The following SMAD6 variants were observed in gnomAD, a reference collection of about 807,000 sequenced individuals.
SMAD6 encodes SMAD family member 6.
A neutral mutation model predicts 39.4 loss-of-function variants in SMAD6; 103 were observed. The ratio of observed to expected loss-of-function variants is 2.62; its 90% CI spans 2.23 to 3.08. The LOEUF (loss-of-function observed/expected upper bound fraction) is 3.08. SMAD6 is among the 30% of genes most tolerant of loss of function. SMAD6 has a pLI of 0.00. For missense variants in SMAD6, 1,104 were observed against 742.9 expected, an observed-to-expected ratio of 1.49 and a Z score of -5.65; for synonymous variants, 445 against 353.3, an observed-to-expected ratio of 1.26 and a Z score of -2.91.
intron 3 of SMAD6, among the ~76,000 whole-genome samples, chr15:66,763,448 C>T (rs930197931): frequency 6.6e-6 from 1 of 152,224 alleles, no homozygotes; most frequent in African/African-American, 2.4e-5. Context: ...TGCCGCCTCC[C>T]CGACTTGGCA....
chr15:66,743,442 G>A (rs1893850803), intron 3 of SMAD6, among the ~76,000 whole-genome samples: 1 of 151,982 alleles, frequency 6.6e-6, no homozygotes. Context: ...ATGAGATCAC[G>A]TATGCCCATA....
At chr15:66,704,107 G>A (rs1893054937) in intron 1 of SMAD6, 32 bp downstream of exon 1, 2 of 1,395,450 alleles carry the variant, frequency 1.4e-6, no homozygotes, top group Non-Finnish European at 1.9e-6. Context: ...GGGGGGCCCC[G>A]GGTCCCCGTC....
At chr15:66,771,167 G>A (rs1294889105) in intron 3 of SMAD6, among the ~76,000 whole-genome samples, 2 of 152,134 alleles carry the variant, frequency 1.3e-5, no homozygotes, top group Admixed American at 1.3e-4. Context: ...ATGGGAGTGG[G>A]GCCTCCGGTT....
intron 3 of SMAD6, among the ~76,000 whole-genome samples, chr15:66,775,462 A>G (rs2140674770): frequency 6.6e-6 from 1 of 152,288 alleles, no homozygotes; most frequent in South Asian, 2.1e-4. Flanking sequence ...AATCACGGAA[A>G]TTTAGAGCTG....
chr15:66,746,962 T>C (rs940334170), intron 3 of SMAD6, among the ~76,000 whole-genome samples: 1 of 152,178 alleles, frequency 6.6e-6, no homozygotes, highest in Non-Finnish European at 1.5e-5. Context: ...GGGTTAATCT[T>C]GTTTTGAAGT....
chr15:66,723,366 A>G (rs913098436), intron 3 of SMAD6, among the ~76,000 whole-genome samples: 8 of 152,206 alleles, frequency 5.3e-5, no homozygotes, highest in African/African-American at 1.9e-4. Flanking sequence ...TTTGAATGAC[A>G]AGTCAATGTA....
At chr15:66,750,677 A>AGAAGG (rs920105196) in intron 3 of SMAD6, among the ~76,000 whole-genome samples, 2 of 152,136 alleles carry the variant, frequency 1.3e-5, no homozygotes, top group African/African-American at 4.8e-5. Context: ...GGAAGGGAAG[A>AGAAGG]GAAGGGGCCA....
intron 3 of SMAD6, among the ~76,000 whole-genome samples, chr15:66,742,400 A>G (rs1166238149): frequency 1.3e-5 from 2 of 152,126 alleles, no homozygotes; most frequent in Non-Finnish European, 2.9e-5. Context: ...GGGCGCGGGA[A>G]CAAGTTACTT....
chr15:66,707,611 T>TG (rs1893142523), intron 1 of SMAD6: 1 of 152,296 alleles, frequency 6.6e-6, no homozygotes, highest in Admixed American at 6.5e-5. Flanking sequence ...GTTTGCCTCT[T>TG]GCTGGCGCCA....
intron 3 of SMAD6, among the ~76,000 whole-genome samples, chr15:66,725,002 C>T (rs1893497605): frequency 6.6e-6 from 1 of 152,170 alleles, no homozygotes; most frequent in Non-Finnish European, 1.5e-5. Context: ...ATCTGCCTGC[C>T]GGGCTCTAGG....
chr15:66,703,921 G>A lies in SMAD6; in HGVS notation c.663G>A (p.Pro221=), dbSNP rs909181825. 3 of 1,308,946 alleles carry A rather than the reference G, an allele frequency of 2.3e-6. No individual in the cohort carries two copies. The highest frequency in any genetic ancestry group is 2.9e-6 in the Non-Finnish European group (3 of 1,033,218). 81.1% of individuals were successfully genotyped at this position (1,308,946 alleles called of 1,614,324 possible). ...ADLRLGGQPA[P]PQLLLGRLFR... ...TCCGCCTGGGCGGCCAGCCCGCGCC[G>A]CCGCAGCTGCTGCTCGGCCGCCTCT... is the stretch of plus-strand genomic sequence containing the variant. Residue 221 remains proline, a synonymous_variant, in exon 1 of 4, where the codon CCG becomes CCA. Transcript: ENST00000288840.
intron 3 of SMAD6, among the ~76,000 whole-genome samples, chr15:66,762,274 A>G (rs1021709990): frequency 1.1e-4 from 17 of 152,268 alleles, no homozygotes; most frequent in Middle Eastern, 6.8e-3. Context: ...CGCACCATCA[A>G]TCATTCCTCC....
At position 66,703,934 on chromosome 15, in the gene SMAD6, C is replaced by A; in HGVS notation, c.676C>A (p.Leu226Ile). ...GGQPAPPQLL[L>I]GRLFRWPDLQ... ...CCAGCCCGCGCCGCCGCAGCTGCTGCTCGGCCGCCTCTTTCGCTGGCCCGA... is the reference window on the plus strand; with the variant it reads ...CCAGCCCGCGCCGCCGCAGCTGCTGATCGGCCGCCTCTTTCGCTGGCCCGA... The change falls in exon 1 of 4, where the codon CTC becomes ATC. Residue 226 changes from leucine (L) to isoleucine (I), a missense_variant. Physicochemically the swap from Leu to Ile is conservative, Grantham distance 5 (BLOSUM62 2). Transcript: ENST00000288840. 1 of 1,368,286 alleles carries A rather than the reference C, an allele frequency of 7.3e-7. No homozygotes were observed. The highest frequency in any genetic ancestry group is 9.4e-7 in the Non-Finnish European group (1 of 1,059,610). 84.8% of individuals were successfully genotyped at this position (1,368,286 alleles called of 1,614,324 possible).
At position 66,703,819 on chromosome 15, in the gene SMAD6, G is replaced by A. The variant is rs1467242708; in HGVS notation, c.561G>A (p.Ser187=). 4 of 1,420,970 alleles carry A rather than the reference G, an allele frequency of 2.8e-6. No homozygotes were observed. The highest frequency in any genetic ancestry group is 3.7e-6 in the Non-Finnish European group (4 of 1,076,214). The allele number at this position is 1,420,970 out of a possible 1,614,324, so 88.0% of individuals were successfully genotyped here. Residue 187 remains serine (S), a synonymous_variant, in exon 1 of 4, where the codon TCG becomes TCA. Transcript: ENST00000288840. ...TGCTGAAGCGGCTCAAGGAGCGCTCGCTGGACACGCTGCTGGAGGCGGTGG... is the reference window on the plus strand; with the variant it reads ...TGCTGAAGCGGCTCAAGGAGCGCTCACTGGACACGCTGCTGGAGGCGGTGG... ...YSLLKRLKER[S]LDTLLEAVES...
In SMAD6 at chr15:66,703,696, C is replaced by T. The variant is rs1893034415; in HGVS notation, c.438C>T (p.Ala146=). The change falls in exon 1 of 4, where the codon GCC becomes GCT. Residue 146 remains alanine (A), a synonymous_variant. Transcript: ENST00000288840. The part of the protein sequence containing the change: ...GAPRDASDPL[A]GAALEPAGGG... ...CCCGGGACGCCAGCGACCCCCTGGC[C>T]GGGGCGGCCCTGGAGCCGGCGGGCG... 1.6e-6 allele frequency: 2 copies of T among 1,266,540 alleles called. No individual in the cohort carries two copies. Among genetic ancestry groups the T allele is most frequent in the Non-Finnish European group, 2.0e-6 (2 of 1,002,930 alleles). The allele number at this position is 1,266,540 out of a possible 1,614,324, so 78.5% of individuals were successfully genotyped here. A position where few individuals can be genotyped will look rare whatever the true frequency, so the allele number is the denominator to read the frequency against.
At chr15:66,730,072 G>C (rs1242246435) in intron 3 of SMAD6, among the ~76,000 whole-genome samples, 2 of 152,230 alleles carry the variant, frequency 1.3e-5, no homozygotes, top group Non-Finnish European at 2.9e-5. Context: ...CTCTTGCCCA[G>C]ATGCGGGGAC....
chr15:66,767,193 C>T (rs937560464), intron 3 of SMAD6, among the ~76,000 whole-genome samples: 11 of 152,166 alleles, frequency 7.2e-5, no homozygotes, highest in Admixed American at 2.6e-4. Flanking sequence ...ATTCCATAAG[C>T]TAAAACAAGG....
At chr15:66,751,113 G>T (rs866232068) in intron 3 of SMAD6, among the ~76,000 whole-genome samples, 2 of 152,162 alleles carry the variant, frequency 1.3e-5, no homozygotes, top group Admixed American at 6.5e-5. Context: ...TACTGAGAAC[G>T]CCCCGTGCCT....
rs1251713921 is a variant in SMAD6 at position 66,781,989 on chromosome 15, GT to G, written c.*462del. 7.5e-6 allele frequency: 3 copies of G among 398,658 alleles called. No homozygotes were observed. Among genetic ancestry groups the G allele is most frequent in the Non-Finnish European group, 1.3e-5 (3 of 225,974 alleles). The allele number at this position is 398,658 out of a possible 1,614,324, so 24.7% of individuals were successfully genotyped here. A position where few individuals can be genotyped will look rare whatever the true frequency, so the allele number is the denominator to read the frequency against. On this transcript the variant is annotated 3_prime_UTR_variant, in exon 4 of 4. Coordinates refer to ENST00000288840, the MANE Select transcript of SMAD6 (RefSeq NM_005585.5). ...TCGATAATAAAGTATTCGCATTATA[GT>G]TTTTTTTAAACTGTCTTCTTTTTAC... is the stretch of plus-strand genomic sequence containing the variant.
Sources: allele counts gnomAD v4.1 joint callset (sites outside exome capture counted in the v4.1 genomes callset), GRCh38; gene constraint gnomAD v4.1.1; transcripts MANE v1.5; gene names NCBI Gene and HGNC (gene_info 2026-07-23, HGNC 2026-07-21).